The following CACNA1E variants were observed in gnomAD, a reference collection of about 807,000 sequenced individuals.
CACNA1E encodes the protein voltage-dependent R-type calcium channel subunit alpha-1E.
In CACNA1E, 40 loss-of-function variants were observed where a neutral mutation model predicts 259.2. The ratio of observed to expected loss-of-function variants is 0.15; its 90% CI spans 0.12 to 0.20. The LOEUF is 0.20. CACNA1E is among the 10% of genes least tolerant of loss of function. The probability of loss-of-function intolerance (pLI) is 1.00; values close to 1 mark genes in which losing one functional copy is unlikely to be tolerated. For synonymous variants in CACNA1E, 1,104 were observed against 1,138.5 expected, an observed-to-expected ratio of 0.97 and a Z score of 0.61; for missense variants, 1,874 against 3,040.1, an observed-to-expected ratio of 0.62 and a Z score of 9.02.
chr1:181,636,535 G>A, intron 6 of CACNA1E, among the ~76,000 whole-genome samples: 1 of 152,200 alleles, frequency 6.6e-6, no homozygotes, highest in East Asian at 1.9e-4. Context: ...CAAGAGAATG[G>A]ATGGGGGCTG....
At chr1:181,726,827 G>A (rs1323477890) in intron 18 of CACNA1E, among the ~76,000 whole-genome samples, 1 of 151,980 alleles carries the variant, frequency 6.6e-6, no homozygotes, top group Non-Finnish European at 1.5e-5. Flanking sequence ...GGTAATGGGG[G>A]TTTAGACTAG....
At chr1:181,472,619 A>T (rs374056930) in intron 2 of CACNA1E, among the ~76,000 whole-genome samples, 1 of 152,256 alleles carries the variant, frequency 6.6e-6, no homozygotes, top group South Asian at 2.1e-4. Context: ...GAGTTTACAA[A>T]GCATTTTAAT....
intron 2 of CACNA1E, among the ~76,000 whole-genome samples, chr1:181,414,706 A>G (rs2102157378): frequency 6.6e-6 from 1 of 152,348 alleles, no homozygotes; most frequent in Middle Eastern, 3.4e-3. Flanking sequence ...TGAGGTAGGT[A>G]CAGTTATTAG....
intron 25 of CACNA1E, among the ~76,000 whole-genome samples, chr1:181,744,189 A>G (rs1656847535): frequency 6.6e-6 from 1 of 152,268 alleles, no homozygotes; most frequent in Non-Finnish European, 1.5e-5. Flanking sequence ...CTTTCCTGAC[A>G]CTTGACACTC....
In CACNA1E at chr1:181,451,511, C is replaced by T. The variant is rs944179241; in HGVS notation, c.435-32233C>T. Among the ~76,000 whole-genome samples, 8 of 152,046 alleles carry T rather than the reference C, an allele frequency of 5.3e-5. 1 individual carries two copies. The highest frequency in any genetic ancestry group is 1.9e-4 in the African/African-American group (8 of 41,388). The stretch of plus-strand genomic sequence containing the variant: ...GACCAGCCTGGCCAACATGGTGAAA[C>T]CCCATCTCTACTAAAAATACAAAAT... On this transcript the variant is annotated intron_variant, in intron 2 of 11. Coordinates refer to the CACNA1E transcript ENST00000524607.
chr1:181,426,914 T>C (rs67837121), intron 2 of CACNA1E, among the ~76,000 whole-genome samples: 18,806 of 123,844 alleles, frequency 0.15, 1,527 homozygotes, highest in South Asian at 0.31. Flanking sequence ...CCTTCCCATC[T>C]CAACCCTTCA....
chr1:181,408,345 G>A (rs112775368), intron 1 of CACNA1E, among the ~76,000 whole-genome samples: 74 of 152,230 alleles, frequency 4.9e-4, no homozygotes, highest in African/African-American at 1.7e-3. Context: ...GGGTCTGAGA[G>A]GCACAGATAA....
chr1:181,704,380 A>G (rs1652582552), intron 7 of CACNA1E, among the ~76,000 whole-genome samples: 1 of 152,184 alleles, frequency 6.6e-6, no homozygotes, highest in Admixed American at 6.5e-5. Context: ...CCAACACAGA[A>G]TTGCCAATCT....
At position 181,798,774 on chromosome 1, in the gene CACNA1E, C is replaced by T. The variant is rs1179998643; in HGVS notation, c.6882C>T (p.Gly2294=). The T allele has an allele frequency of 6.3e-7, 1 of 1,585,672 alleles. No individual in the cohort carries two copies. Among genetic ancestry groups the T allele is most frequent in the Non-Finnish European group, 8.6e-7 (1 of 1,165,346 alleles). Residue 2294 remains glycine, a synonymous_variant, in exon 48 of 48, where the codon GGC becomes GGT. Coordinates refer to ENST00000367573, the MANE Select transcript of CACNA1E (RefSeq NM_001205293.3). The surrounding 1 kb of genome is among the most constrained non-coding windows in gnomAD (Gnocchi z 4.2). ...RRRRRGGPGP[G]MMCGAVNNLL... ...GGAGGCGCGGGGGGCCTGGGCCAGG[C>T]ATGATGTGTGGGGCTGTCAACAACC...
At chr1:181,461,036 G>C (rs1188897834) in intron 2 of CACNA1E, among the ~76,000 whole-genome samples, 1 of 152,150 alleles carries the variant, frequency 6.6e-6, no homozygotes, top group Non-Finnish European at 1.5e-5. Context: ...ATTGAATTGA[G>C]GTGGGTGCAA....
In CACNA1E at chr1:181,717,295, C is replaced by A; in HGVS notation, c.1518C>A (p.His506Gln). Residue 506 changes from histidine (H) to glutamine (Q), a missense_variant, in exon 11 of 48, where the codon CAC becomes CAA. This residue lies in a region of CACNA1E where 157 missense variants were observed against 203.5 expected (regional missense o/e 0.77). Coordinates refer to ENST00000367573, the MANE Select transcript of CACNA1E (RefSeq NM_001205293.3). ...VHHNQPQWLT[H>Q]LLYYAEFLFL... ...ACAACCAGCCCCAGTGGCTCACCCA[C>A]CTCCTCTGTAAGTAAAGCCTCTCTC... 6.2e-7 allele frequency: 1 copy of A among 1,612,860 alleles called. No homozygotes were observed. Among genetic ancestry groups the A allele is most frequent in the Non-Finnish European group, 8.5e-7 (1 of 1,179,342 alleles).
chr1:181,622,742 G>T (rs907229620), intron 6 of CACNA1E, among the ~76,000 whole-genome samples: 1 of 152,102 alleles, frequency 6.6e-6, no homozygotes, highest in African/African-American at 2.4e-5. Context: ...TAATCCTGGG[G>T]AAGCTCTTCC....
intron 3 of CACNA1E, among the ~76,000 whole-genome samples, chr1:181,565,373 C>T (rs771678683): frequency 6.6e-6 from 1 of 152,224 alleles, no homozygotes; most frequent in Non-Finnish European, 1.5e-5. Context: ...ATTATTTCCT[C>T]TTTTCATTCC....
intron 2 of CACNA1E, among the ~76,000 whole-genome samples, chr1:181,442,402 A>T (rs1321442592): frequency 7.1e-6 from 1 of 140,256 alleles, no homozygotes; most frequent in African/African-American, 2.9e-5. Context: ...GTGTGGGGGA[A>T]CATGTGTGAA....
At chr1:181,676,009 C>T (rs1649339166) in intron 7 of CACNA1E, among the ~76,000 whole-genome samples, 2 of 111,982 alleles carry the variant, frequency 1.8e-5, no homozygotes, top group Admixed American at 2.9e-4. Flanking sequence ...CAATGAATTT[C>T]ACTGTAGCCC....
At chr1:181,597,027 C>G (rs762703328) in intron 6 of CACNA1E, among the ~76,000 whole-genome samples, 1 of 152,126 alleles carries the variant, frequency 6.6e-6, no homozygotes, top group Non-Finnish European at 1.5e-5. Flanking sequence ...AATTCTAGCT[C>G]TGCCCTGCCT....
At chr1:181,609,024 C>T (rs561745121) in intron 6 of CACNA1E, among the ~76,000 whole-genome samples, 2 of 152,284 alleles carry the variant, frequency 1.3e-5, no homozygotes, top group South Asian at 2.1e-4. Context: ...GCTGGGCCCC[C>T]AGTATCCACA....
intron 1 of CACNA1E, among the ~76,000 whole-genome samples, chr1:181,332,770 G>T (rs973804360): frequency 1.3e-5 from 2 of 152,134 alleles, no homozygotes; most frequent in Non-Finnish European, 2.9e-5. Flanking sequence ...TGTAGTCATA[G>T]AACCCTTTGA....
chr1:181,477,414 G>A (rs1662932318), intron 2 of CACNA1E, among the ~76,000 whole-genome samples: 1 of 152,144 alleles, frequency 6.6e-6, no homozygotes, highest in South Asian at 2.1e-4. Flanking sequence ...CTATGACTGT[G>A]TCTAATTTAT....
Sources: allele counts gnomAD v4.1 joint callset (sites outside exome capture counted in the v4.1 genomes callset), GRCh38; gene constraint gnomAD v4.1.1; regional missense constraint gnomAD v4.1.1; non-coding constraint Gnocchi (gnomAD v3.1); transcripts MANE v1.5; gene names NCBI Gene and HGNC (gene_info 2026-07-23, HGNC 2026-07-21).